HHIP: variants seen among roughly 807,000 people sequenced by gnomAD.
HHIP encodes the protein hedgehog interacting protein.
HHIP carries 12 observed loss-of-function variants against 74.0 expected under a neutral mutation model. That is an observed-to-expected ratio of 0.16 (90% CI 0.10 to 0.26). The LOEUF is 0.26. Ranked by LOEUF, HHIP falls within the 10% of genes least tolerant of loss-of-function variation. The probability of loss-of-function intolerance (pLI) is 1.00; values close to 1 mark genes in which losing one functional copy is unlikely to be tolerated. For missense variants in HHIP, 788 were observed against 845.0 expected (o/e 0.93, Z 0.84); for synonymous variants, 309 against 311.6 (o/e 0.99, Z 0.09).
chr4:144,698,210 T>C (rs940417658), intron 4 of HHIP, among the ~76,000 whole-genome samples: 7 of 152,148 alleles, frequency 4.6e-5, no homozygotes, highest in African/African-American at 7.2e-5. Context: ...ACAGATTTCT[T>C]TGTCAGGTGT....
In HHIP at chr4:144,646,780, G is replaced by T; in HGVS notation, c.105G>T (p.Arg35Ser). The change falls in exon 1 of 13, where the codon AGG becomes AGT. Residue 35 changes from arginine to serine, a missense_variant. Physicochemically the swap from Arg to Ser is moderately radical, Grantham distance 110 (BLOSUM62 -1). Around this residue, in one of 3 missense-constraint regions of HHIP, gnomAD observed 373 missense variants for 366.4 expected, o/e 1.02. Coordinates refer to ENST00000296575, the MANE Select transcript of HHIP (RefSeq NM_022475.3). The stretch of plus-strand genomic sequence containing the variant: ...AAAGAAACGAAGGGAGCGGAGCAAG[G>T]AGGAGAAGGTGCCTGAATGGGAACC... ...FGERNEGSGA[R>S]RRRCLNGNPP... The T allele has an allele frequency of 6.2e-7, 1 of 1,613,684 alleles. No homozygotes were observed. The highest frequency in any genetic ancestry group is 8.5e-7 in the Non-Finnish European group (1 of 1,180,042).
At chr4:144,715,260 T>G (rs200101171) in intron 9 of HHIP, 40 bp from the exon 10 acceptor site, 2 of 1,580,774 alleles carry the variant, frequency 1.3e-6, no homozygotes, top group Non-Finnish European at 1.7e-6. Context: ...TAAACAAAAG[T>G]GTGTATTCAT....
intron 4 of HHIP, among the ~76,000 whole-genome samples, chr4:144,681,956 C>T (rs559711241): frequency 6.6e-6 from 1 of 152,292 alleles, no homozygotes; most frequent in South Asian, 2.1e-4. Context: ...TTTCATTCTA[C>T]AGCTGTGGAA....
Position 144,646,715 on chromosome 4 carries a change from G to C in HHIP, c.40G>C (p.Val14Leu). 1 of 1,614,172 alleles carries C rather than the reference G, an allele frequency of 6.2e-7. No homozygotes were observed. The highest frequency in any genetic ancestry group is 1.3e-5 in the African/African-American group (1 of 75,046). The change falls in exon 1 of 13, where the codon GTG becomes CTG. Residue 14 changes from valine (V) to leucine (L), a missense_variant. Around this residue, in one of 3 missense-constraint regions of HHIP, gnomAD observed 373 missense variants for 366.4 expected, o/e 1.02. Coordinates refer to ENST00000296575, the MANE Select transcript of HHIP (RefSeq NM_022475.3). ...MLSFKLLLLA[V>L]ALGFFEGDAK... ...CTCCTTTAAGCTGCTGCTGCTGGCC[G>C]TGGCTCTGGGCTTCTTTGAAGGAGA...
At chr4:144,660,519 T>C (rs182546080) in intron 4 of HHIP, among the ~76,000 whole-genome samples, 14 of 152,226 alleles carry the variant, frequency 9.2e-5, no homozygotes, top group African/African-American at 3.4e-4. Flanking sequence ...CTCATGCCTA[T>C]TTTAGAATGA....
intron 11 of HHIP, among the ~76,000 whole-genome samples, chr4:144,729,176 A>AG (rs1730883805): frequency 6.6e-6 from 1 of 152,184 alleles, no homozygotes. Flanking sequence ...GAAGACAGTA[A>AG]AAATTTATCC....
At chr4:144,737,671 C>T (rs531434555) in intron 12 of HHIP, 93 bp from the exon 13 acceptor site, 8 of 1,122,748 alleles carry the variant, frequency 7.1e-6, no homozygotes, top group African/African-American at 6.3e-5. Flanking sequence ...CCCTCGCTTC[C>T]CTTATTCAGC....
Position 144,707,147 on chromosome 4 carries a change from C to G in HHIP, c.1044C>G (p.Leu348=), listed in dbSNP as rs755627392. The change falls in exon 6 of 13, where the codon CTC becomes CTG. Residue 348 remains leucine (L), a synonymous_variant. Transcript: ENST00000296575. ...TARVFLEVAE[L]HRKHLGGQLL... is the part of the protein sequence containing the mutation. ...GAGTCTTTCTTGAAGTTGCAGAACT[C>G]CACAGAAAGCATCTGGGAGGACAAC... 2 of 1,613,874 alleles carry G rather than the reference C, an allele frequency of 1.2e-6. No individual in the cohort carries two copies. Among genetic ancestry groups the G allele is most frequent in the Non-Finnish European group, 1.7e-6 (2 of 1,179,918 alleles).
chr4:144,660,912 C>T (rs1365190923), intron 4 of HHIP, among the ~76,000 whole-genome samples: 1 of 151,956 alleles, frequency 6.6e-6, no homozygotes, highest in African/African-American at 2.4e-5. Flanking sequence ...ATACATATTG[C>T]CAATTTGCTT....
In HHIP at chr4:144,741,658, A is replaced by G. The variant is rs1323330450; in HGVS notation, c.*3701A>G. On this transcript the variant is annotated 3_prime_UTR_variant, in exon 13 of 13. Coordinates refer to ENST00000296575, the MANE Select transcript of HHIP (RefSeq NM_022475.3). ...AGGCCTCCCAAAGTGCTAGGATTAC[A>G]GGCGTGAGCCACCATGCCCAGCTTC... 1 of 152,230 alleles carries G rather than the reference A, an allele frequency of 6.6e-6. No homozygotes were observed. Among genetic ancestry groups the G allele is most frequent in the East Asian group, 1.9e-4 (1 of 5,194 alleles). The allele number at this position is 152,230 out of a possible 1,614,324, so 9.4% of individuals were successfully genotyped here. A position where few individuals can be genotyped will look rare whatever the true frequency, so the allele number is the denominator to read the frequency against.
At chr4:144,655,786 T>C (rs1452802850) in intron 2 of HHIP, among the ~76,000 whole-genome samples, 2 of 151,896 alleles carry the variant, frequency 1.3e-5, no homozygotes, top group South Asian at 2.1e-4. Flanking sequence ...GCAGCACTTA[T>C]AATGAGGAAA....
chr4:144,690,577 G>C (rs1729625124), intron 4 of HHIP, among the ~76,000 whole-genome samples: 1 of 152,188 alleles, frequency 6.6e-6, no homozygotes, highest in Non-Finnish European at 1.5e-5. Flanking sequence ...GAGAGCATCA[G>C]AGTTGACCAT....
intron 1 of HHIP, chr4:144,647,217 C>T (rs1728292762): frequency 4.8e-6 from 2 of 416,992 alleles, no homozygotes; most frequent in East Asian, 3.6e-5. Context: ...GGTACCCGCA[C>T]CCTGGGCTGG....
intron 11 of HHIP, among the ~76,000 whole-genome samples, chr4:144,723,658 C>A (rs1347075445): frequency 6.6e-6 from 1 of 152,166 alleles, no homozygotes; most frequent in Non-Finnish European, 1.5e-5. Flanking sequence ...CTGCCAAGTC[C>A]TCTTGCAGCA....
chr4:144,663,343 G>T (rs1364437620), intron 4 of HHIP, among the ~76,000 whole-genome samples: 2 of 152,162 alleles, frequency 1.3e-5, no homozygotes, highest in East Asian at 3.9e-4. Flanking sequence ...AATATCTGGG[G>T]TTGGCACCCA....
intron 4 of HHIP, among the ~76,000 whole-genome samples, chr4:144,683,242 A>C (rs1729394923): frequency 6.6e-6 from 1 of 152,242 alleles, no homozygotes; most frequent in Non-Finnish European, 1.5e-5. Flanking sequence ...GAACAGAAAT[A>C]AAATATCTTC....
At chr4:144,661,500 G>A (rs1197381819) in intron 4 of HHIP, 5 of 152,068 alleles carry the variant, frequency 3.3e-5, no homozygotes, top group South Asian at 2.1e-4. Flanking sequence ...TTATGTCCAC[G>A]AGATAGGAAT....
intron 4 of HHIP, among the ~76,000 whole-genome samples, chr4:144,692,896 A>G (rs1422027903): frequency 6.6e-6 from 1 of 151,186 alleles, no homozygotes; most frequent in Non-Finnish European, 1.5e-5. Flanking sequence ...CATCAAGAGG[A>G]GCCAAGTTGC....
chr4:144,679,194 T>C (rs1419950218), intron 4 of HHIP, among the ~76,000 whole-genome samples: 1 of 152,224 alleles, frequency 6.6e-6, no homozygotes, highest in African/African-American at 2.4e-5. Context: ...GAGAAGTGTC[T>C]GTTCATATCA....
Sources: allele counts gnomAD v4.1 joint callset (sites outside exome capture counted in the v4.1 genomes callset), GRCh38; gene constraint gnomAD v4.1.1; regional missense constraint gnomAD v4.1.1; transcripts MANE v1.5; gene names NCBI Gene and HGNC (gene_info 2026-07-23, HGNC 2026-07-21).